The following BCR variants were observed in gnomAD, a reference collection of about 807,000 sequenced individuals.
BCR encodes the protein breakpoint cluster region protein.
Under a neutral mutation model 138.6 loss-of-function variants are expected in BCR, and 58 were observed. That is an observed-to-expected ratio of 0.42 (90% CI 0.34 to 0.52). The LOEUF is 0.52. Ranked by LOEUF, BCR falls within the 20% of genes least tolerant of loss-of-function variation. The pLI is 0.06. For missense variants in BCR, 1,599 were observed against 1,727.2 expected (o/e 0.93, Z 1.32); for synonymous variants, 786 against 730.1 (o/e 1.08, Z -1.23).
Position 23,290,398 on chromosome 22 carries a change from T to C in BCR, c.2767T>C (p.Phe923Leu), listed in dbSNP as rs767558161. Residue 923 changes from phenylalanine to leucine, a missense_variant, in exon 14 of 23, where the codon TTT becomes CTT. Physicochemically the swap from Phe to Leu is conservative, Grantham distance 22. Coordinates refer to ENST00000305877, the MANE Select transcript of BCR (RefSeq NM_004327.4). ...TGTCATCGTCCACTCAGCCACTGGA[T>C]TTAAGCAGAGTTCAAGTAAGTACTG... ...LNVIVHSATGFKQSSNLYCTL... is the reference protein window; with the variant it reads ...LNVIVHSATGLKQSSNLYCTL... The C allele has an allele frequency of 2.5e-6, 4 of 1,614,008 alleles. No individual in the cohort carries two copies. The African/African-American group carries it at 5.3e-5, about 22-fold the overall frequency.
At chr22:23,263,661 T>A in intron 4 of BCR, 2 of 1,442,332 alleles carry the variant, frequency 1.4e-6, no homozygotes, top group Non-Finnish European at 2.0e-6. Context: ...CAGGAGGAGA[T>A]GGGAAGATTG....
At chr22:23,274,681 G>T (rs574620476) in intron 8 of BCR, among the ~76,000 whole-genome samples, 3 of 152,182 alleles carry the variant, frequency 2.0e-5, no homozygotes, top group East Asian at 1.9e-4. Context: ...AGGCCTAGGC[G>T]GGTGGATCAG....
Position 23,264,230 on chromosome 22 carries a change from C to T in BCR, c.1752+2690C>T, listed in dbSNP as rs1409425873. ...GGCTGTGGGACCGGCACCAAAGGGCCTGCCCGCACACCTTCCCGCTGACGT... is the reference window on the plus strand; with the variant it reads ...GGCTGTGGGACCGGCACCAAAGGGCTTGCCCGCACACCTTCCCGCTGACGT... On this transcript the variant is annotated intron_variant, in intron 4 of 22. Transcript: ENST00000305877. 4 of 1,041,000 alleles carry T rather than the reference C, an allele frequency of 3.8e-6. No homozygotes were observed. In the African/African-American group the frequency reaches 6.3e-5, roughly 16 times the overall value. The allele number at this position is 1,041,000 out of a possible 1,614,324, so 64.5% of individuals were successfully genotyped here.
At chr22:23,188,413 T>G (rs190603964) in intron 1 of BCR, among the ~76,000 whole-genome samples, 235 of 152,332 alleles carry the variant, frequency 1.5e-3, no homozygotes, top group African/African-American at 5.4e-3. Context: ...ATAGCCTCCT[T>G]CCTTCCTTGG....
intron 8 of BCR, among the ~76,000 whole-genome samples, chr22:23,274,688 T>C (rs1011591677): frequency 4.6e-5 from 7 of 151,800 alleles, no homozygotes; most frequent in East Asian, 1.9e-4. Flanking sequence ...GGCGGGTGGA[T>C]CAGGAGGTCA....
chr22:23,265,231 C>T (rs1288316947), intron 4 of BCR, among the ~76,000 whole-genome samples: 4 of 152,210 alleles, frequency 2.6e-5, no homozygotes, highest in African/African-American at 9.7e-5. Flanking sequence ...ATGATGCAGC[C>T]GGAAGACTCG....
chr22:23,240,733 G>A (rs2073080667), intron 1 of BCR, among the ~76,000 whole-genome samples: 1 of 152,060 alleles, frequency 6.6e-6, no homozygotes, highest in Non-Finnish European at 1.5e-5. Context: ...GCGGTTCAGT[G>A]GTATTCAGTA....
rs761441813 is a variant in BCR at position 23,309,483 on chromosome 22, G to C, written c.3072G>C (p.Gly1024=). ...DWQRTVIAMN[G]IEVKLSVKFN... ...AGCGCACCGTCATCGCCATGAATGG[G>C]GTACGTGTCCGTGGGACTCTCCTGG... is the stretch of plus-strand genomic sequence containing the variant. Residue 1024 remains glycine, a splice_region_variant and synonymous_variant, in exon 17 of 23, where the codon GGG becomes GGC. Coordinates refer to ENST00000305877, the MANE Select transcript of BCR (RefSeq NM_004327.4). The C allele has an allele frequency of 1.3e-6, 2 of 1,597,112 alleles. No individual in the cohort carries two copies. The highest frequency in any genetic ancestry group is 1.7e-6 in the Non-Finnish European group (2 of 1,171,138).
chr22:23,300,985 A>G (rs1376920453), intron 16 of BCR, among the ~76,000 whole-genome samples: 1 of 152,264 alleles, frequency 6.6e-6, no homozygotes, highest in Non-Finnish European at 1.5e-5. Flanking sequence ...TCTAAGGAGA[A>G]TAGACAGGGC....
intron 1 of BCR, among the ~76,000 whole-genome samples, chr22:23,226,853 A>G (rs186833667): frequency 3.0e-4 from 45 of 152,330 alleles, no homozygotes; most frequent in Non-Finnish European, 5.6e-4. Context: ...ACTAGGTTCA[A>G]TATGAATGAA....
chr22:23,289,590 C>T lies in BCR; in HGVS notation c.2676C>T (p.Val892=). The change falls in exon 13 of 23, where the codon GTC becomes GTT. Residue 892 remains valine, a synonymous_variant. Transcript: ENST00000305877. ...ACTCGTGTGTGAAACTCCAGACTGTCCACAGCATTCCGCTGACCATCAATA... is the reference window on the plus strand; with the variant it reads ...ACTCGTGTGTGAAACTCCAGACTGTTCACAGCATTCCGCTGACCATCAATA... ...LTNSCVKLQT[V]HSIPLTINKE... 6.2e-7 allele frequency: 1 copy of T among 1,614,008 alleles called. No individual in the cohort carries two copies. The highest frequency in any genetic ancestry group is 1.3e-5 in the African/African-American group (1 of 74,910).
rs1332341073 is a variant in BCR at position 23,244,063 on chromosome 22, CA to C, written c.1280-9735del. ...CTTCCCCCAGTGCCTTAAGTGGGAA[CA>C]GTCTTGTGGTACTGAGCCCTTAACC... On this transcript the variant is annotated intron_variant, in intron 1 of 22. Coordinates refer to ENST00000305877, the MANE Select transcript of BCR (RefSeq NM_004327.4). 2.6e-5 allele frequency among the ~76,000 whole-genome samples: 4 copies of C among 152,276 alleles called. No individual in the cohort carries two copies. In the East Asian group the frequency reaches 7.7e-4, roughly 29 times the overall value.
At chr22:23,224,533 C>T (rs1328477766) in intron 1 of BCR, among the ~76,000 whole-genome samples, 2 of 152,160 alleles carry the variant, frequency 1.3e-5, no homozygotes, top group African/African-American at 4.8e-5. Flanking sequence ...CGTTTTAATA[C>T]GCCAAGTCTG....
chr22:23,193,816 T>C (rs2072444491), intron 1 of BCR, among the ~76,000 whole-genome samples: 1 of 152,192 alleles, frequency 6.6e-6, no homozygotes, highest in Non-Finnish European at 1.5e-5. Flanking sequence ...GGAACCCTCT[T>C]AGCTGAGTGT....
chr22:23,307,152 A>G (rs1185932727), intron 16 of BCR, among the ~76,000 whole-genome samples: 9 of 152,296 alleles, frequency 5.9e-5, no homozygotes, highest in African/African-American at 7.2e-5. Flanking sequence ...CTGGAGTGCA[A>G]TGGCATGATC....
At chr22:23,290,250 C>T (rs750739394) in intron 13 of BCR, 89 bp from the exon 14 acceptor site, 52 of 1,335,516 alleles carry the variant, frequency 3.9e-5, no homozygotes, top group African/African-American at 1.5e-4. Flanking sequence ...CAGTGTCCAC[C>T]GGATGGTTGA....
intron 1 of BCR, among the ~76,000 whole-genome samples, chr22:23,208,106 T>TG (rs2072639499): frequency 6.6e-6 from 1 of 152,232 alleles, no homozygotes; most frequent in African/African-American, 2.4e-5. Context: ...ACAGACACGC[T>TG]GGAGCTTCGT....
intron 20 of BCR, among the ~76,000 whole-genome samples, chr22:23,313,330 C>T (rs1305723398): frequency 2.0e-5 from 3 of 152,208 alleles, no homozygotes; most frequent in Non-Finnish European, 2.9e-5. Flanking sequence ...AAGGAGGGTG[C>T]CTGGGTGCTC....
chr22:23,212,135 TTTC>T (rs1300207774), intron 1 of BCR, among the ~76,000 whole-genome samples: 1 of 152,118 alleles, frequency 6.6e-6, no homozygotes, highest in Non-Finnish European at 1.5e-5. Context: ...CCGTTGCTGG[TTTC>T]TTCTTTGTTA....
Sources: gnomAD v4.1 joint callset for allele counts (sites outside exome capture counted in the v4.1 genomes callset) on GRCh38, gnomAD v4.1.1 for gene constraint, MANE v1.5 for transcripts, NCBI Gene and HGNC (gene_info 2026-07-23, HGNC 2026-07-21) for gene names.